The following ZNF280D variants were observed in gnomAD, a reference collection of about 807,000 sequenced individuals.
ZNF280D encodes the protein suppressor of hairy wing homolog 4.
A neutral mutation model predicts 94.7 loss-of-function variants in ZNF280D; 39 were observed. The ratio of observed to expected loss-of-function variants is 0.41; its 90% CI spans 0.32 to 0.54. ZNF280D has a LOEUF of 0.54. ZNF280D is among the 20% of genes least tolerant of loss of function. The pLI is 0.22. For missense variants in ZNF280D, 1,090 were observed against 1,149.3 expected (o/e 0.95, Z 0.75); for synonymous variants, 398 against 377.6 (o/e 1.05, Z -0.63).
Position 56,700,955 on chromosome 15 carries a change from A to C in ZNF280D, c.359T>G (p.Ile120Ser). 1 of 1,613,948 alleles carries C rather than the reference A, an allele frequency of 6.2e-7. No individual in the cohort carries two copies. The highest frequency in any genetic ancestry group is 8.5e-7 in the Non-Finnish European group (1 of 1,179,860). ...TACAGGTTTAGAAAAAGGCTGAACA[A>C]TAACAGAACTATCTGAAGATCTAGA... ...PESRSSDSSV[I>S]VQPFSKPGYI... Residue 120 changes from isoleucine to serine, a missense_variant, in exon 6 of 22, where the codon ATT becomes AGT. Coordinates refer to ENST00000267807, the MANE Select transcript of ZNF280D (RefSeq NM_017661.4).
At chr15:56,698,481 G>A (rs1190837860) in intron 6 of ZNF280D, 2 of 152,068 alleles carry the variant, frequency 1.3e-5, no homozygotes, top group Non-Finnish European at 2.9e-5. Flanking sequence ...CAGATTTGAG[G>A]AAATGTTTGC....
At chr15:56,674,497 T>G (rs1463026266) in intron 13 of ZNF280D, among the ~76,000 whole-genome samples, 1 of 152,090 alleles carries the variant, frequency 6.6e-6, no homozygotes, top group Non-Finnish European at 1.5e-5. Context: ...ATTTCTACCT[T>G]TAGACCCAAT....
At chr15:56,703,470 T>A (rs1207339233) in intron 4 of ZNF280D, among the ~76,000 whole-genome samples, 1 of 152,214 alleles carries the variant, frequency 6.6e-6, no homozygotes, top group Non-Finnish European at 1.5e-5. Flanking sequence ...AAAACTCACT[T>A]AGTATATTCT....
intron 13 of ZNF280D, among the ~76,000 whole-genome samples, chr15:56,673,242 C>T (rs747463479): frequency 1.3e-5 from 2 of 151,860 alleles, no homozygotes; most frequent in African/African-American, 4.8e-5. Context: ...AAATTGAACT[C>T]GAGATTTCCT....
At chr15:56,717,004 C>T (rs999931006) in intron 1 of ZNF280D, among the ~76,000 whole-genome samples, 2 of 152,064 alleles carry the variant, frequency 1.3e-5, no homozygotes, top group Non-Finnish European at 2.9e-5. Flanking sequence ...TAACCATCTT[C>T]AATATTGAAA....
intron 1 of ZNF280D, among the ~76,000 whole-genome samples, chr15:56,722,033 T>C (rs2141413698): frequency 6.6e-6 from 1 of 152,254 alleles, no homozygotes; most frequent in Middle Eastern, 3.4e-3. Context: ...CATTATAAAG[T>C]TATTAATTGG....
At chr15:56,728,463 T>C (rs1230788321) in intron 1 of ZNF280D, among the ~76,000 whole-genome samples, 1 of 152,200 alleles carries the variant, frequency 6.6e-6, no homozygotes, top group African/African-American at 2.4e-5. Flanking sequence ...TTGAAAAATC[T>C]TGCAATTGTG....
At chr15:56,709,572 C>T (rs528830412) in intron 1 of ZNF280D, among the ~76,000 whole-genome samples, 43 of 152,158 alleles carry the variant, frequency 2.8e-4, no homozygotes, top group Middle Eastern at 3.4e-3. Context: ...ATGTTTATTG[C>T]GGCACTATTC....
chr15:56,664,297 A>T (rs574424563), intron 16 of ZNF280D, among the ~76,000 whole-genome samples: 166 of 152,208 alleles, frequency 1.1e-3, no homozygotes, highest in Non-Finnish European at 2.0e-3. Context: ...TGTTAATGGT[A>T]AAAAGGAAGA....
Position 56,654,437 on chromosome 15 carries a change from A to G in ZNF280D, c.2124T>C (p.Ala708=). ...LSDVSGLDNM[A]THLSQHKTHT... is the part of the protein sequence containing the mutation. ...GAGTTTTATGTTGACTTAAGTGTGT[A>G]GCCATATTATCTAAGCCAGAAACAT... Residue 708 remains alanine (A), a synonymous_variant, in exon 18 of 22, where the codon GCT becomes GCC. Coordinates refer to ENST00000267807, the MANE Select transcript of ZNF280D (RefSeq NM_017661.4). 1.2e-6 allele frequency: 2 copies of G among 1,612,546 alleles called. No individual in the cohort carries two copies. Among genetic ancestry groups the G allele is most frequent in the Non-Finnish European group, 8.5e-7 (1 of 1,179,498 alleles).
At chr15:56,670,264 G>A (rs1248390048) in intron 13 of ZNF280D, among the ~76,000 whole-genome samples, 2 of 150,244 alleles carry the variant, frequency 1.3e-5, no homozygotes, top group East Asian at 2.0e-4. Flanking sequence ...ACAGGTAAAC[G>A]TGTATCCCGG....
intron 11 of ZNF280D, among the ~76,000 whole-genome samples, chr15:56,678,297 C>T (rs2055382753): frequency 6.6e-6 from 1 of 152,198 alleles, no homozygotes; most frequent in Non-Finnish European, 1.5e-5. Flanking sequence ...CAGGCATGAG[C>T]CACTGCACCC....
chr15:56,663,739 CAAAG>C (rs2054108425), intron 16 of ZNF280D, among the ~76,000 whole-genome samples: 1 of 152,040 alleles, frequency 6.6e-6, no homozygotes. Context: ...GTTCCCATCA[CAAAG>C]AAATGATAAA....
intron 9 of ZNF280D, among the ~76,000 whole-genome samples, chr15:56,686,744 G>C (rs905039576): frequency 1.3e-5 from 2 of 151,954 alleles, no homozygotes; most frequent in African/African-American, 4.8e-5. Context: ...AAACAAAAAG[G>C]ATTTGTGAAA....
At position 56,701,013 on chromosome 15, in the gene ZNF280D, C is replaced by A; in HGVS notation, c.301G>T (p.Val101Leu). Residue 101 changes from valine (V) to leucine (L), a missense_variant, in exon 6 of 22, where the codon GTG (valine) becomes TTG (leucine). Transcript: ENST00000267807. ...QHYTNPTSNP[V>L]PASPINFHPE... The stretch of plus-strand genomic sequence containing the variant: ...TGAAAATTTATTGGTGAGGCAGGCA[C>A]TGGATTTGATGTTGGATTCGTGTAG... 6.2e-7 allele frequency: 1 copy of A among 1,613,872 alleles called. No individual in the cohort carries two copies. The highest frequency in any genetic ancestry group is 8.5e-7 in the Non-Finnish European group (1 of 1,179,854).
chr15:56,641,377 T>C (rs1048796081), intron 20 of ZNF280D, among the ~76,000 whole-genome samples: 5 of 152,106 alleles, frequency 3.3e-5, no homozygotes, highest in African/African-American at 1.2e-4. Context: ...TTGTAATCTA[T>C]TCATACCAAT....
rs777629946 is a variant in ZNF280D at position 56,707,096 on chromosome 15, G to C, written c.14C>G (p.Pro5Arg). 1.2e-6 allele frequency: 2 copies of C among 1,613,872 alleles called. No homozygotes were observed. Among genetic ancestry groups the C allele is most frequent in the Non-Finnish European group, 1.7e-6 (2 of 1,179,908 alleles). Residue 5 changes from proline to arginine, a missense_variant, in exon 3 of 22, where the codon CCT (proline) becomes CGT (arginine). Physicochemically the swap from Pro to Arg is moderately radical, Grantham distance 103 (BLOSUM62 -2). Coordinates refer to ENST00000267807, the MANE Select transcript of ZNF280D (RefSeq NM_017661.4). ...GCAACACTTACTTTTTGGTTGAAAA[G>C]GGTTGTCGCCCATCAAGCTGCAGAG... MGDN[P>R]FQPKSNSKMA...
intron 13 of ZNF280D, among the ~76,000 whole-genome samples, chr15:56,675,612 G>C (rs1792247972): frequency 6.6e-6 from 1 of 151,848 alleles, no homozygotes; most frequent in South Asian, 2.1e-4. Flanking sequence ...CCTTAGAATA[G>C]ATCTTGCCAG....
intron 1 of ZNF280D, among the ~76,000 whole-genome samples, chr15:56,731,783 G>A (rs1202777261): frequency 6.6e-6 from 1 of 152,118 alleles, no homozygotes; most frequent in Non-Finnish European, 1.5e-5. Context: ...ATGGCAAAAA[G>A]GTAGCGTTAA....
Sources: gnomAD v4.1 joint callset for allele counts (sites outside exome capture counted in the v4.1 genomes callset) on GRCh38, gnomAD v4.1.1 for gene constraint, MANE v1.5 for transcripts, NCBI Gene and HGNC (gene_info 2026-07-23, HGNC 2026-07-21) for gene names.